SYNE1: variants seen among roughly 807,000 people sequenced by gnomAD.
SYNE1 encodes the protein spectrin repeat containing nuclear envelope protein 1.
Under a neutral mutation model 1,111.0 loss-of-function variants are expected in SYNE1, and 616 were observed. The ratio of observed to expected loss-of-function variants is 0.55; its 90% CI spans 0.52 to 0.59. SYNE1 has a LOEUF of 0.59. Among genes scored for constraint, SYNE1 ranks in the 20% least tolerant of loss-of-function variants. The pLI is 0.00. For synonymous variants in SYNE1, 3,855 were observed against 3,825.8 expected (o/e 1.01, Z -0.28); for missense variants, 10,006 against 10,417.0 (o/e 0.96, Z 1.72).
At chr6:152,479,933 G>T (rs1251572875) in intron 14 of SYNE1, among the ~76,000 whole-genome samples, 3 of 152,158 alleles carry the variant, frequency 2.0e-5, no homozygotes, top group Admixed American at 1.3e-4. Flanking sequence ...TATGCATTAA[G>T]TGTTGAAATT....
At chr6:152,176,978 C>T (rs369605336) in intron 129 of SYNE1, among the ~76,000 whole-genome samples, 1 of 151,894 alleles carries the variant, frequency 6.6e-6, no homozygotes, top group Non-Finnish European at 1.5e-5. Context: ...TGCACACACA[C>T]ATATATATAT....
chr6:152,162,909 T>A (rs2062819848), intron 131 of SYNE1, among the ~76,000 whole-genome samples: 1 of 152,196 alleles, frequency 6.6e-6, no homozygotes, highest in Non-Finnish European at 1.5e-5. Context: ...ATGATAATTT[T>A]AATATTAAAA....
chr6:152,531,382 C>T (rs945304466), intron 4 of SYNE1, among the ~76,000 whole-genome samples: 11 of 152,112 alleles, frequency 7.2e-5, no homozygotes, highest in African/African-American at 2.7e-4. Context: ...AGGACATGAA[C>T]AGAAATGTGT....
At chr6:152,478,935 A>C (rs2098855943) in intron 14 of SYNE1, among the ~76,000 whole-genome samples, 1 of 152,218 alleles carries the variant, frequency 6.6e-6, no homozygotes. Flanking sequence ...CGGACAAGGC[A>C]AGCGAGGATG....
chr6:152,151,700 A>T lies in SYNE1; in HGVS notation c.24313-10T>A. 6.2e-7 allele frequency: 1 copy of T among 1,613,590 alleles called. No individual in the cohort carries two copies. On this transcript the variant is annotated splice_polypyrimidine_tract_variant and intron_variant, in intron 134 of 145. Transcript: ENST00000367255. Reference sequence around the variant, plus strand: ...GCTGGCCAATAAAATGCTGGAAGGCAAGAGGAAAGTAGTAACAATTATTTT... The same window carrying T: ...GCTGGCCAATAAAATGCTGGAAGGCTAGAGGAAAGTAGTAACAATTATTTT...
chr6:152,185,246 T>C (rs964161352), intron 128 of SYNE1: 4 of 152,204 alleles, frequency 2.6e-5, no homozygotes, highest in East Asian at 3.8e-4. Flanking sequence ...CTTTAATATA[T>C]TAACTCTGCC....
intron 46 of SYNE1, among the ~76,000 whole-genome samples, chr6:152,401,993 C>T (rs2097826841): frequency 6.6e-6 from 1 of 152,170 alleles, no homozygotes; most frequent in South Asian, 2.1e-4. Context: ...TATTCTTACC[C>T]CCACCTCAGA....
At chr6:152,526,294 T>A (rs2099163408) in intron 4 of SYNE1, 119 bp from the exon 5 acceptor site, 5 of 963,382 alleles carry the variant, frequency 5.2e-6, no homozygotes, top group Non-Finnish European at 8.0e-6. Context: ...TTCTATATAC[T>A]TTAATTCTTT....
chr6:152,455,500 C>T lies in SYNE1; in HGVS notation c.2818G>A (p.Glu940Lys), dbSNP rs757479164. The T allele has an allele frequency of 4.0e-5, 65 of 1,614,066 alleles. 1 individual carries two copies. The highest frequency in any genetic ancestry group is 4.7e-5 in the Non-Finnish European group (56 of 1,180,038). The change falls in exon 24 of 146, where the codon GAG becomes AAG. Residue 940 changes from glutamate (E) to lysine (K), a missense_variant. By Grantham distance (56) the Glu-to-Lys change is moderately conservative. Around this residue, in one of 7 missense-constraint regions of SYNE1, gnomAD observed 1,971 missense variants for 2,084.1 expected, o/e 0.95. Transcript: ENST00000367255. ...TCCTGAGCAATCCGCAGTACCTTCT[C>T]CAACTCTGCTCGAGACTCCTCAAAC... ...KKFEESRAEL[E>K]KVLRIAQEGL...
intron 3 of SYNE1, among the ~76,000 whole-genome samples, chr6:152,561,051 T>C (rs1045598282): frequency 2.0e-5 from 3 of 152,086 alleles, no homozygotes; most frequent in African/African-American, 7.2e-5. Context: ...CTATTCAACA[T>C]AACACTGAAA....
intron 69 of SYNE1, 92 bp downstream of exon 69, chr6:152,353,171 A>G (rs2096771954): frequency 6.7e-7 from 1 of 1,495,782 alleles, no homozygotes; most frequent in Non-Finnish European, 9.3e-7. Flanking sequence ...AATGGTTGGG[A>G]TGATCACCTG....
chr6:152,432,465 GT>G (rs1176621613), intron 34 of SYNE1, among the ~76,000 whole-genome samples: 2 of 151,966 alleles, frequency 1.3e-5, no homozygotes, highest in African/African-American at 4.8e-5. Flanking sequence ...ATTTTAGATA[GT>G]TTTAAAAATG....
intron 3 of SYNE1, among the ~76,000 whole-genome samples, chr6:152,590,349 G>A (rs1016160489): frequency 1.3e-5 from 2 of 150,746 alleles, no homozygotes; most frequent in African/African-American, 4.9e-5. Context: ...ATTAAGACAT[G>A]TATGAGAGAA....
chr6:152,349,333 T>C (rs1367900750), intron 72 of SYNE1, among the ~76,000 whole-genome samples: 3 of 152,276 alleles, frequency 2.0e-5, no homozygotes, highest in Non-Finnish European at 4.4e-5. Context: ...TTTTGTACTT[T>C]GTGATTTACA....
intron 98 of SYNE1, among the ~76,000 whole-genome samples, chr6:152,269,635 A>G (rs1478401254): frequency 6.6e-6 from 1 of 152,184 alleles, no homozygotes; most frequent in Non-Finnish European, 1.5e-5. Flanking sequence ...TTTAAGTCAC[A>G]CAAAGGTAAA....
chr6:152,290,008 T>C (rs2153751793), intron 95 of SYNE1, among the ~76,000 whole-genome samples: 1 of 150,536 alleles, frequency 6.6e-6, no homozygotes, highest in African/African-American at 2.4e-5. Flanking sequence ...GGCCCAACCC[T>C]GCTTAACTTC....
intron 145 of SYNE1, chr6:152,125,288 G>T: frequency 1.3e-6 from 2 of 1,550,450 alleles, no homozygotes; most frequent in Non-Finnish European, 1.7e-6. Flanking sequence ...TAGAAGCAAA[G>T]AAGAGAATCC....
chr6:152,521,091 G>A (rs562877583), intron 5 of SYNE1, among the ~76,000 whole-genome samples: 4 of 152,112 alleles, frequency 2.6e-5, no homozygotes, highest in South Asian at 2.1e-4. Flanking sequence ...TCTTTCACAC[G>A]CTTTCTTAAA....
At chr6:152,155,117 C>T (rs573804306) in intron 132 of SYNE1, 75 bp from the exon 133 acceptor site, 23 of 1,584,696 alleles carry the variant, frequency 1.5e-5, no homozygotes, top group East Asian at 9.0e-5. Flanking sequence ...CTGCTGCCTG[C>T]GACTGGATTA....
Sources: gnomAD v4.1 joint callset for allele counts (sites outside exome capture counted in the v4.1 genomes callset) on GRCh38, gnomAD v4.1.1 for gene constraint, gnomAD v4.1.1 regional missense constraint, MANE v1.5 for transcripts, NCBI Gene and HGNC (gene_info 2026-07-23, HGNC 2026-07-21) for gene names.